WHR1: variants seen among roughly 807,000 people sequenced by gnomAD.
WHR1 encodes winged helix repair factor 1.
At chr6:31,971,856 A>G in the WHR1 span, 1 of 1,390,708 alleles carries the variant, frequency 7.2e-7, no homozygotes, top group Non-Finnish European at 9.6e-7. The surrounding 1 kb of genome is among the most constrained non-coding windows in gnomAD (Gnocchi z 4.5). Context: ...CCCTTCACCC[A>G]CCCTCCCTCC....
At chr6:31,980,246 C>A in the WHR1 span, 1 of 523,248 alleles carries the variant, frequency 1.9e-6, no homozygotes, top group East Asian at 2.9e-5. Context: ...GAGGGCAGTC[C>A]AGGTAGGGGG....
the WHR1 span, chr6:31,979,554 G>A: frequency 2.4e-5 from 39 of 1,612,666 alleles, no homozygotes; most frequent in African/African-American, 5.3e-5. Context: ...CAGAAATCAC[G>A]TGAGACTTGT....
the WHR1 span, among the ~76,000 whole-genome samples, chr6:31,975,829 G>A: frequency 1.3e-5 from 2 of 152,000 alleles, no homozygotes; most frequent in East Asian, 1.9e-4. Flanking sequence ...CCGGGCAGAG[G>A]GGCTCCTCAC....
the WHR1 span, chr6:31,979,561 T>C: frequency 5.0e-6 from 8 of 1,612,632 alleles, no homozygotes; most frequent in Non-Finnish European, 6.8e-6. Context: ...CACGTGAGAC[T>C]TGTGGAACCA....
At chr6:31,972,045 T>A in the WHR1 span, 1 of 1,611,652 alleles carries the variant, frequency 6.2e-7, no homozygotes, top group East Asian at 2.2e-5. The surrounding 1 kb of genome is among the most constrained non-coding windows in gnomAD (Gnocchi z 6.3). Flanking sequence ...TCAGCGACAG[T>A]GGCGGGCAAA....
chr6:31,979,467 A>G, the WHR1 span: 6 of 1,612,760 alleles, frequency 3.7e-6, no homozygotes, highest in Non-Finnish European at 4.2e-6. Context: ...AGAAATTTCT[A>G]GCTTCAGTAC....
At chr6:31,974,100 A>T in the WHR1 span, among the ~76,000 whole-genome samples, 1 of 152,040 alleles carries the variant, frequency 6.6e-6, no homozygotes, top group Non-Finnish European at 1.5e-5. Flanking sequence ...CATGGGCAAC[A>T]TGACATAACC....
the WHR1 span, chr6:31,979,345 T>C: frequency 6.3e-7 from 1 of 1,591,620 alleles, no homozygotes; most frequent in Non-Finnish European, 8.6e-7. Flanking sequence ...AGAGAAATGC[T>C]GTCCTGGGGG....
At chr6:31,975,919 C>A in the WHR1 span, among the ~76,000 whole-genome samples, 5 of 146,680 alleles carry the variant, frequency 3.4e-5, no homozygotes, top group Non-Finnish European at 6.0e-5. Flanking sequence ...CTGACCCCCC[C>A]ACCTCCCTCC....
chr6:31,971,759 G>A, the WHR1 span: 1 of 1,426,102 alleles, frequency 7.0e-7, no homozygotes, highest in Non-Finnish European at 9.3e-7. This position sits in a 1 kb window ranked among gnomAD's most constrained non-coding sequence, Gnocchi z 4.5. Flanking sequence ...GACTAAGCGA[G>A]CCACCTGATC....
the WHR1 span, among the ~76,000 whole-genome samples, chr6:31,978,657 T>C: frequency 6.6e-6 from 1 of 152,246 alleles, no homozygotes; most frequent in Non-Finnish European, 1.5e-5. Flanking sequence ...TCTTAGTGCC[T>C]GGTCTTAGAA....
chr6:31,971,459 G>A, the WHR1 span: 1 of 1,613,958 alleles, frequency 6.2e-7, no homozygotes, highest in Non-Finnish European at 8.5e-7. The surrounding 1 kb of genome is among the most constrained non-coding windows in gnomAD (Gnocchi z 4.5). Context: ...TTAGTGGGGG[G>A]TGGGCTATAG....
the WHR1 span, among the ~76,000 whole-genome samples, chr6:31,978,516 G>T: frequency 2.0e-5 from 3 of 152,138 alleles, no homozygotes; most frequent in African/African-American, 7.2e-5. Context: ...CTGTATTCTC[G>T]TAAACAGAAG....
At chr6:31,977,992 T>C in the WHR1 span, among the ~76,000 whole-genome samples, 1 of 151,618 alleles carries the variant, frequency 6.6e-6, no homozygotes, top group African/African-American at 2.4e-5. Flanking sequence ...TTTACCATAT[T>C]GGTCAGGCTG....
chr6:31,971,574 G>A, the WHR1 span: 6 of 1,613,988 alleles, frequency 3.7e-6, no homozygotes, highest in East Asian at 8.9e-5. This position sits in a 1 kb window ranked among gnomAD's most constrained non-coding sequence, Gnocchi z 4.5. Context: ...CAGAGTAGAG[G>A]GCAGGGTCTG....
chr6:31,978,923 G>A, the WHR1 span: 73 of 1,612,624 alleles, frequency 4.5e-5, no homozygotes, highest in Non-Finnish European at 2.3e-5. Flanking sequence ...AAGAGCAGGG[G>A]GAGATCAGAA....
the WHR1 span, among the ~76,000 whole-genome samples, chr6:31,976,845 C>G: frequency 6.6e-6 from 1 of 152,230 alleles, no homozygotes; most frequent in South Asian, 2.1e-4. Context: ...AGCTGGAGAC[C>G]AGCCCGGCCA....
chr6:31,972,280 C>G, the WHR1 span: 2 of 1,613,142 alleles, frequency 1.2e-6, no homozygotes, highest in South Asian at 2.2e-5. The surrounding 1 kb of genome is among the most constrained non-coding windows in gnomAD (Gnocchi z 6.3). Context: ...GTTGACGCTC[C>G]TTTCGTCATC....
At chr6:31,977,338 ATTTTTTT>A in the WHR1 span, among the ~76,000 whole-genome samples, 21 of 127,442 alleles carry the variant, frequency 1.6e-4, no homozygotes, top group Middle Eastern at 4.2e-3. Flanking sequence ...CGCCCAGCTA[ATTTTTTT>A]TTTTTTTTTT....
Sources: gnomAD v4.1 joint callset for allele counts (sites outside exome capture counted in the v4.1 genomes callset) on GRCh38, gnomAD v4.1.1 for gene constraint, Gnocchi (gnomAD v3.1) non-coding constraint, MANE v1.5 for transcripts, NCBI Gene and HGNC (gene_info 2026-07-23, HGNC 2026-07-21) for gene names.